ZNF469: variants seen among roughly 807,000 people sequenced by gnomAD.
ZNF469 encodes zinc finger protein 469.
ZNF469 carries 1 observed loss-of-function variant against 1.0 expected under a neutral mutation model. That is an observed-to-expected ratio of 1.00 (90% CI 0.35 to 4.73). The LOEUF (loss-of-function observed/expected upper bound fraction) is 4.73. Ranked by LOEUF, ZNF469 falls within the 30% of genes most tolerant of loss-of-function variation. ZNF469 has a pLI of 0.16. For synonymous variants in ZNF469, 2,703 were observed against 2,363.4 expected, an observed-to-expected ratio of 1.14 and a Z score of -4.17; for missense variants, 6,100 against 5,356.3, an observed-to-expected ratio of 1.14 and a Z score of -4.33.
the ZNF469 span, chr16:88,178,783 C>T: frequency 6.6e-6 from 1 of 152,216 alleles, no homozygotes; most frequent in South Asian, 2.1e-4. Context: ...CAGTCACTCA[C>T]TCATTCAGGA....
the ZNF469 span, among the ~76,000 whole-genome samples, chr16:88,188,577 T>C: frequency 6.6e-6 from 1 of 152,170 alleles, no homozygotes; most frequent in African/African-American, 2.4e-5. Flanking sequence ...GGAGTCCTGT[T>C]CAACCTGGGT....
At chr16:88,273,503 CAT>C in the ZNF469 span, among the ~76,000 whole-genome samples, 1 of 152,108 alleles carries the variant, frequency 6.6e-6, no homozygotes, top group Non-Finnish European at 1.5e-5. Flanking sequence ...CAGAAAATAA[CAT>C]GTGTTGGCAA....
the ZNF469 span, among the ~76,000 whole-genome samples, chr16:88,255,690 G>A: frequency 5.3e-5 from 8 of 152,194 alleles, no homozygotes; most frequent in Admixed American, 5.2e-4. Flanking sequence ...TCCGAGACAG[G>A]TTTATTTTGG....
chr16:88,415,097 C>T (rs939721763), intron 1 of ZNF469, among the ~76,000 whole-genome samples: 5 of 152,240 alleles, frequency 3.3e-5, no homozygotes, highest in Admixed American at 2.0e-4. Context: ...CCCTTCCCCT[C>T]TCTGAGCCTC....
At chr16:88,210,100 A>G in the ZNF469 span, among the ~76,000 whole-genome samples, 1 of 152,262 alleles carries the variant, frequency 6.6e-6, no homozygotes, top group Non-Finnish European at 1.5e-5. Flanking sequence ...GAGGTGAGAA[A>G]TGAGACCGCA....
rs1002962049 is a variant in ZNF469, at chr16:88,383,186, GGGGC to G, written c.-257_-254del. On this transcript the variant is annotated 5_prime_UTR_variant, in exon 1 of 3. It introduces an in-frame stop codon into an upstream open reading frame of the 5' UTR. Coordinates refer to ENST00000565624, the MANE Select transcript of ZNF469 (RefSeq NM_001367624.2). Reference sequence around the variant, plus strand: ...GACGGCGCCTCCGCTGCAGAGCGCTGGGGCGGCGCGGGCCGGGAGCTCGTTGGCG... The same window carrying G: ...GACGGCGCCTCCGCTGCAGAGCGCTGGGCGCGGGCCGGGAGCTCGTTGGCG... 8.1e-4 allele frequency among the ~76,000 whole-genome samples: 119 copies of G among 147,750 alleles called. No individual in the cohort carries two copies. Among genetic ancestry groups the G allele is most frequent in the Non-Finnish European group, 1.4e-3 (92 of 66,270 alleles).
At chr16:88,136,100 C>A in the ZNF469 span, among the ~76,000 whole-genome samples, 1 of 152,142 alleles carries the variant, frequency 6.6e-6, no homozygotes, top group Non-Finnish European at 1.5e-5. Flanking sequence ...CAAAGGTCCC[C>A]CAGTTGTCCA....
At chr16:88,339,042 T>C in the ZNF469 span, among the ~76,000 whole-genome samples, 1 of 151,106 alleles carries the variant, frequency 6.6e-6, no homozygotes, top group Non-Finnish European at 1.5e-5. Flanking sequence ...TGAGCTGGAC[T>C]CCCCAGGGCT....
chr16:88,427,379 G>A lies in ZNF469; in HGVS notation c.-92G>A, dbSNP rs1032532831. On this transcript the variant is annotated 5_prime_UTR_variant, in exon 3 of 3. Transcript: ENST00000565624. Reference sequence around the variant, plus strand: ...AGGACCATGAGCGCAGGCTTCCCTGGGGCCCATCGAGGGCTGAGGATGGCC... The same window carrying A: ...AGGACCATGAGCGCAGGCTTCCCTGAGGCCCATCGAGGGCTGAGGATGGCC... 21 of 1,280,148 alleles carry A rather than the reference G, an allele frequency of 1.6e-5. No homozygotes were observed. Among genetic ancestry groups the A allele is most frequent in the Middle Eastern group, 2.8e-4 (1 of 3,634 alleles). 79.3% of individuals were successfully genotyped at this position (1,280,148 alleles called of 1,614,324 possible). A position where few individuals can be genotyped will look rare whatever the true frequency, so the allele number is the denominator to read the frequency against.
chr16:88,109,478 G>A, the ZNF469 span, among the ~76,000 whole-genome samples: 1 of 151,980 alleles, frequency 6.6e-6, no homozygotes, highest in Admixed American at 6.5e-5. Context: ...TGTCCACGCT[G>A]TCTCCTCTCC....
chr16:88,374,531 C>T, the ZNF469 span, among the ~76,000 whole-genome samples: 3 of 152,350 alleles, frequency 2.0e-5, no homozygotes, highest in East Asian at 5.8e-4. Context: ...AATATTCATG[C>T]TATGGGCACT....
In ZNF469 at chr16:88,433,204, G is replaced by A; in HGVS notation, c.5734G>A (p.Val1912Met). ...TCAGCTCCAGCTCCCAGGGCCTGGA[G>A]TGGCTAAGAGTAAAGATGGCATCCT... ...IRQLQLPGPG[V>M]AKSKDGILGL... Residue 1912 changes from valine (V) to methionine (M), a missense_variant, in exon 3 of 3, where the codon GTG becomes ATG. By Grantham distance (21) the Val-to-Met change is conservative (BLOSUM62 1). Coordinates refer to ENST00000565624, the MANE Select transcript of ZNF469 (RefSeq NM_001367624.2). 1 of 1,550,314 alleles carries A rather than the reference G, an allele frequency of 6.5e-7. No individual in the cohort carries two copies. The highest frequency in any genetic ancestry group is 8.7e-7 in the Non-Finnish European group (1 of 1,146,944).
At chr16:88,126,735 C>T in the ZNF469 span, among the ~76,000 whole-genome samples, 22 of 152,138 alleles carry the variant, frequency 1.4e-4, no homozygotes, top group African/African-American at 4.6e-4. Flanking sequence ...CTCACTGCAA[C>T]GTCTGTCCCC....
At chr16:88,184,607 G>C in the ZNF469 span, among the ~76,000 whole-genome samples, 4 of 152,140 alleles carry the variant, frequency 2.6e-5, no homozygotes, top group East Asian at 5.8e-4. Context: ...GTTTCAGGGG[G>C]GAAGCTGCAG....
At chr16:88,123,078 G>T in the ZNF469 span, among the ~76,000 whole-genome samples, 1 of 152,068 alleles carries the variant, frequency 6.6e-6, no homozygotes, top group African/African-American at 2.4e-5. Flanking sequence ...TGATTTTAGT[G>T]GTTTGAATGG....
At chr16:88,381,239 C>G (rs534482403), upstream of ZNF469, among the ~76,000 whole-genome samples, 12 of 149,126 alleles carry the variant, frequency 8.0e-5, no homozygotes, top group East Asian at 1.0e-3. Context: ...CACACGCACT[C>G]ACAGACATGC....
the ZNF469 span, among the ~76,000 whole-genome samples, chr16:88,219,439 G>T: frequency 7.2e-6 from 1 of 138,896 alleles, no homozygotes; most frequent in Non-Finnish European, 1.5e-5. Context: ...CAATGGAACA[G>T]AACAGAGCCC....
the ZNF469 span, among the ~76,000 whole-genome samples, chr16:88,242,223 G>T: frequency 1.3e-5 from 2 of 152,168 alleles, no homozygotes; most frequent in African/African-American, 4.8e-5. Flanking sequence ...AAGGTTCAAG[G>T]GCTTCTCATC....
the ZNF469 span, among the ~76,000 whole-genome samples, chr16:88,300,375 T>C: frequency 6.6e-6 from 1 of 152,098 alleles, no homozygotes. Context: ...CATCATCTTA[T>C]CATCTTCAGT....
Sources: gnomAD v4.1 joint callset for allele counts (sites outside exome capture counted in the v4.1 genomes callset) on GRCh38, gnomAD v4.1.1 for gene constraint, MANE v1.5 for transcripts, NCBI Gene and HGNC (gene_info 2026-07-23, HGNC 2026-07-21) for gene names.